The following RELN variants were observed in gnomAD, a reference collection of about 807,000 sequenced individuals.
RELN encodes reelin.
Under a neutral mutation model 427.6 loss-of-function variants are expected in RELN, and 108 were observed. That is an observed-to-expected ratio of 0.25 (90% CI 0.22 to 0.30). RELN has a LOEUF of 0.30. Among genes scored for constraint, RELN ranks in the 10% least tolerant of loss-of-function variants. RELN has a pLI of 1.00. For synonymous variants in RELN, 1,524 were observed against 1,513.4 expected (o/e 1.01, Z -0.16); for missense variants, 3,715 against 4,302.8 (o/e 0.86, Z 3.82).
intron 3 of RELN, among the ~76,000 whole-genome samples, chr7:103,780,870 A>T (rs1449482259): frequency 2.0e-5 from 3 of 152,116 alleles, no homozygotes; most frequent in Admixed American, 2.0e-4. Context: ...TATTTCTTCC[A>T]ATGAAGACCC....
chr7:103,797,115 C>T (rs142175107), intron 3 of RELN, among the ~76,000 whole-genome samples: 8 of 152,004 alleles, frequency 5.3e-5, no homozygotes, highest in African/African-American at 1.9e-4. Flanking sequence ...GACAGAGCGT[C>T]GCTCTTGTCA....
At chr7:103,703,023 AG>A (rs112266305) in intron 8 of RELN, among the ~76,000 whole-genome samples, 2,198 of 152,312 alleles carry the variant, frequency 0.014, 62 homozygotes, top group African/African-American at 0.05. Context: ...CATCATAAAA[AG>A]ATGACCAAAA....
At chr7:103,652,066 A>C (rs183598479) in intron 14 of RELN, among the ~76,000 whole-genome samples, 2 of 152,028 alleles carry the variant, frequency 1.3e-5, no homozygotes, top group Non-Finnish European at 2.9e-5. Flanking sequence ...GTGGCAAGGC[A>C]ATTACCATGT....
At chr7:103,502,311 G>A (rs1348736564) in intron 52 of RELN, among the ~76,000 whole-genome samples, 1 of 152,124 alleles carries the variant, frequency 6.6e-6, no homozygotes, top group Non-Finnish European at 1.5e-5. Context: ...CTGTGCGTAA[G>A]CACTTTATTC....
At chr7:103,762,338 T>C (rs576031068) in intron 4 of RELN, among the ~76,000 whole-genome samples, 1 of 152,304 alleles carries the variant, frequency 6.6e-6, no homozygotes, top group East Asian at 1.9e-4. Flanking sequence ...AGAAATAAAC[T>C]TCTAGTCATT....
intron 4 of RELN, among the ~76,000 whole-genome samples, chr7:103,775,875 CA>C (rs1368362473): frequency 6.6e-6 from 1 of 152,168 alleles, no homozygotes; most frequent in East Asian, 1.9e-4. Context: ...CTCTCTAGGG[CA>C]ACATCCACCC....
intron 2 of RELN, among the ~76,000 whole-genome samples, chr7:103,836,109 C>G (rs1472373017): frequency 6.6e-6 from 1 of 152,004 alleles, no homozygotes; most frequent in Non-Finnish European, 1.5e-5. Context: ...ATTACAGGTG[C>G]CTGCCACCAC....
chr7:103,582,379 A>AATTC (rs1422593809), intron 28 of RELN, among the ~76,000 whole-genome samples: 1 of 152,226 alleles, frequency 6.6e-6, no homozygotes, highest in Non-Finnish European at 1.5e-5. Flanking sequence ...AAAGGTGGTA[A>AATTC]ATTCATCAAC....
At chr7:103,964,039 G>C (rs1267771414) in intron 1 of RELN, among the ~76,000 whole-genome samples, 3 of 152,092 alleles carry the variant, frequency 2.0e-5, no homozygotes, top group Non-Finnish European at 4.4e-5. Flanking sequence ...CACACCTGTA[G>C]TCCCAGCTAC....
chr7:103,651,568 T>G (rs1312486268), intron 15 of RELN, 93 bp downstream of exon 15: 1 of 1,282,750 alleles, frequency 7.8e-7, no homozygotes, highest in South Asian at 1.2e-5. Context: ...TCTTACCTAT[T>G]ATGACAAAAA....
intron 53 of RELN, among the ~76,000 whole-genome samples, chr7:103,499,472 T>C (rs1385781996): frequency 6.6e-6 from 1 of 152,186 alleles, no homozygotes; most frequent in African/African-American, 2.4e-5. Context: ...TGAAAAGATA[T>C]CATAAAGCCA....
intron 62 of RELN, 122 bp downstream of exon 62, chr7:103,483,531 C>T (rs1828315203): frequency 2.0e-6 from 2 of 995,306 alleles, no homozygotes; most frequent in Non-Finnish European, 3.2e-6. Flanking sequence ...CGTTCTGCCA[C>T]CACCTAGTTT....
rs933951856 is a variant in RELN, at chr7:103,499,575, T to C, written c.8667+1170A>G. Among the ~76,000 whole-genome samples, 5 of 152,074 alleles carry C rather than the reference T, an allele frequency of 3.3e-5. No homozygotes were observed. The South Asian group carries it at 6.2e-4, about 19-fold the overall frequency. ...CTATCTTACTGTGTAGTTAAAATGATTTAAACAGTTTCTTTTTCTCAAACT... is the reference window on the plus strand; with the variant it reads ...CTATCTTACTGTGTAGTTAAAATGACTTAAACAGTTTCTTTTTCTCAAACT... On this transcript the variant is annotated intron_variant, in intron 53 of 64. Transcript: ENST00000428762.
chr7:103,907,301 A>T (rs759398665), intron 2 of RELN, among the ~76,000 whole-genome samples: 28 of 143,522 alleles, frequency 2.0e-4, no homozygotes, highest in Admixed American at 1.6e-3. Context: ...CTGTAGTCCC[A>T]GCTTCTCGGG....
Position 103,654,151 on chromosome 7 carries a change from T to G in RELN, c.1496A>C (p.Lys499Thr). ...SHENDIILYA[K>T]IEGRKEHITL... Reference sequence around the variant, plus strand: ...TATATGCTCTTTTCTTCCTTCAATTTTTGCATACAGGATTATGTCATTTTC... The same window carrying G: ...TATATGCTCTTTTCTTCCTTCAATTGTTGCATACAGGATTATGTCATTTTC... The change falls in exon 13 of 65, where the codon AAA (lysine) becomes ACA (threonine). Residue 499 changes from lysine to threonine, a missense_variant. By Grantham distance (78) the Lys-to-Thr change is moderately conservative (BLOSUM62 -1). Around this residue, in one of 4 missense-constraint regions of RELN, gnomAD observed 2,208 missense variants for 2,361.7 expected, o/e 0.93. Coordinates refer to ENST00000428762, the MANE Select transcript of RELN (RefSeq NM_005045.4). 1.2e-6 allele frequency: 2 copies of G among 1,611,452 alleles called. No individual in the cohort carries two copies. Among genetic ancestry groups the G allele is most frequent in the South Asian group, 2.2e-5 (2 of 91,030 alleles).
At chr7:103,832,571 G>T (rs1030179720) in intron 3 of RELN, among the ~76,000 whole-genome samples, 2 of 152,166 alleles carry the variant, frequency 1.3e-5, no homozygotes, top group Non-Finnish European at 2.9e-5. Context: ...GTGGAAAAAG[G>T]ACCCCTGAAT....
chr7:103,967,181 T>C (rs1238737644), intron 1 of RELN, among the ~76,000 whole-genome samples: 1 of 152,114 alleles, frequency 6.6e-6, no homozygotes, highest in African/African-American at 2.4e-5. Flanking sequence ...AGAGGCAGGA[T>C]TCTAACCCAT....
In RELN at chr7:103,697,902, T is replaced by C; in HGVS notation, c.1094A>G (p.Asp365Gly). 1.2e-6 allele frequency: 2 copies of C among 1,613,758 alleles called. No homozygotes were observed. The highest frequency in any genetic ancestry group is 1.7e-6 in the Non-Finnish European group (2 of 1,179,820). ...AAGCCAGTTGCCTGTGTCCACTGGG[T>C]CGAGACTATCTTCTAAAACGACTTG... is the stretch of plus-strand genomic sequence containing the variant. The part of the protein sequence containing the change: ...HRQVVLEDSL[D>G]PVDTGNWLFF... Residue 365 changes from aspartate (D) to glycine (G), a missense_variant, in exon 10 of 65, where the codon GAC (aspartate) becomes GGC (glycine). Coordinates refer to ENST00000428762, the MANE Select transcript of RELN (RefSeq NM_005045.4).
At chr7:103,755,879 G>A (rs183371934) in intron 4 of RELN, among the ~76,000 whole-genome samples, 4 of 149,662 alleles carry the variant, frequency 2.7e-5, no homozygotes, top group Admixed American at 2.7e-4. Context: ...ATTGCAAAAG[G>A]GATTCTCTGT....
Sources: allele counts gnomAD v4.1 joint callset (sites outside exome capture counted in the v4.1 genomes callset), GRCh38; gene constraint gnomAD v4.1.1; regional missense constraint gnomAD v4.1.1; transcripts MANE v1.5; gene names NCBI Gene and HGNC (gene_info 2026-07-23, HGNC 2026-07-21).